ADAM10: variants seen among roughly 807,000 people sequenced by gnomAD.
ADAM10 encodes the protein ADAM metallopeptidase domain 10, also known as disintegrin and metalloproteinase domain-containing protein 10.
Under a neutral mutation model 90.1 loss-of-function variants are expected in ADAM10, and 17 were observed. The ratio of observed to expected loss-of-function variants is 0.19; its 90% CI spans 0.13 to 0.28. ADAM10 has a LOEUF of 0.28. ADAM10 is among the 10% of genes least tolerant of loss of function. ADAM10 has a pLI of 1.00. For synonymous variants in ADAM10, 310 were observed against 298.6 expected (o/e 1.04, Z -0.40); for missense variants, 610 against 914.3 (o/e 0.67, Z 4.29).
intron 1 of ADAM10, among the ~76,000 whole-genome samples, chr15:58,744,908 C>T (rs564272232): frequency 1.3e-5 from 2 of 152,342 alleles, no homozygotes; most frequent in Admixed American, 6.5e-5. Flanking sequence ...CCCAGCGGGG[C>T]GCAGTGGCTC....
At chr15:58,722,646 T>C (rs759351888) in intron 1 of ADAM10, among the ~76,000 whole-genome samples, 1 of 151,856 alleles carries the variant, frequency 6.6e-6, no homozygotes, top group Non-Finnish European at 1.5e-5. Context: ...TAACATTATG[T>C]TTGTAGCTTG....
intron 1 of ADAM10, chr15:58,749,003 G>T: frequency 2.5e-6 from 1 of 399,292 alleles, no homozygotes. Context: ...TCTCGGCGGC[G>T]GAGAGGACTT....
chr15:58,622,213 G>GT (rs1596000088), intron 10 of ADAM10, among the ~76,000 whole-genome samples: 1 of 151,992 alleles, frequency 6.6e-6, no homozygotes, highest in Non-Finnish European at 1.5e-5. Context: ...ATGACATAAA[G>GT]TTTTTTTCTT....
chr15:58,621,262 C>CAAAA (rs749439192), intron 11 of ADAM10, among the ~76,000 whole-genome samples: 11 of 25,272 alleles, frequency 4.4e-4, no homozygotes, highest in South Asian at 2.3e-3. Context: ...GACCCTGTCT[C>CAAAA]AAAAAAAAAA....
Position 58,704,832 on chromosome 15 carries a change from G to A in ADAM10, c.206+12745C>T, listed in dbSNP as rs192450001. On this transcript the variant is annotated intron_variant, in intron 2 of 15. Transcript: ENST00000260408. ...ATTTTAATCAAAGGGTATGACTCAA[G>A]GTCGTAAGACTAAAATTAGGAGTAG... is the stretch of plus-strand genomic sequence containing the variant. Among the ~76,000 whole-genome samples the A allele has an allele frequency of 3.3e-5, 5 of 152,290 alleles. No homozygotes were observed. In the East Asian group the frequency reaches 9.7e-4, roughly 29 times the overall value.
In ADAM10 at chr15:58,596,910, G is replaced by A. The variant is rs1160869382; in HGVS notation, c.*637C>T. The A allele has an allele frequency of 1.3e-5, 2 of 155,178 alleles. No homozygotes were observed. The highest frequency in any genetic ancestry group is 2.9e-5 in the Non-Finnish European group (2 of 69,680). 9.6% of individuals were successfully genotyped at this position (155,178 alleles called of 1,614,324 possible). A position where few individuals can be genotyped will look rare whatever the true frequency, so the allele number is the denominator to read the frequency against. On this transcript the variant is annotated 3_prime_UTR_variant, in exon 16 of 16. Transcript: ENST00000260408. ...TGATTTTCATTTCAAAACTGCCTGT[G>A]TAAAGCATTACAGAATCCTGGACCA...
chr15:58,723,520 G>A (rs143263051), intron 1 of ADAM10, among the ~76,000 whole-genome samples: 2 of 151,856 alleles, frequency 1.3e-5, no homozygotes, highest in African/African-American at 4.8e-5. Context: ...AAACCATAGT[G>A]AAACCCATAG....
At chr15:58,600,081 A>C (rs1170885731) in intron 14 of ADAM10, among the ~76,000 whole-genome samples, 2 of 151,442 alleles carry the variant, frequency 1.3e-5, no homozygotes, top group Admixed American at 6.6e-5. Context: ...GTTATTAAAT[A>C]TTTTCTGGTT....
At chr15:58,694,126 A>T (rs548141286) in intron 2 of ADAM10, among the ~76,000 whole-genome samples, 1 of 152,230 alleles carries the variant, frequency 6.6e-6, no homozygotes, top group African/African-American at 2.4e-5. Context: ...ACTTTGGAAA[A>T]CTGTTTAGCA....
chr15:58,685,058 C>A (rs942854893), intron 2 of ADAM10, among the ~76,000 whole-genome samples: 1 of 150,150 alleles, frequency 6.7e-6, no homozygotes, highest in Non-Finnish European at 1.5e-5. Flanking sequence ...GGTACATAAT[C>A]GTATTTATGG....
intron 9 of ADAM10, chr15:58,629,466 A>G (rs1896039481): frequency 6.6e-6 from 1 of 152,256 alleles, no homozygotes; most frequent in Non-Finnish European, 1.5e-5. Context: ...ATAACGAATA[A>G]AACAAGCACA....
intron 2 of ADAM10, among the ~76,000 whole-genome samples, chr15:58,699,071 G>A (rs1396152967): frequency 1.3e-5 from 2 of 152,174 alleles, no homozygotes; most frequent in Non-Finnish European, 2.9e-5. Context: ...TCATTTACAA[G>A]GGAACTCCTA....
intron 11 of ADAM10, among the ~76,000 whole-genome samples, chr15:58,617,912 A>C (rs1468300032): frequency 2.6e-5 from 4 of 151,330 alleles, no homozygotes; most frequent in Middle Eastern, 3.4e-3. Flanking sequence ...AAAAAAAAAA[A>C]CACATTTCAT....
Position 58,679,145 on chromosome 15 carries a change from T to C in ADAM10, c.463A>G (p.Ile155Val). Residue 155 changes from isoleucine to valine, a missense_variant, in exon 4 of 16, where the codon ATT becomes GTT. By Grantham distance (29) the Ile-to-Val change is conservative. Transcript: ENST00000260408. ...TTACTAATATCATCTTCATGATAAATGACAGAGTGAAATGGCAGAGTTCGG... is the reference window on the plus strand; with the variant it reads ...TTACTAATATCATCTTCATGATAAACGACAGAGTGAAATGGCAGAGTTCGG... The part of the protein sequence containing the change: ...KDRTLPFHSV[I>V]YHEDDINYPH... The C allele has an allele frequency of 6.2e-7, 1 of 1,613,932 alleles. No homozygotes were observed.
At position 58,640,842 on chromosome 15, in the gene ADAM10, T is replaced by C. The variant is rs1158046830; in HGVS notation, c.947A>G (p.Tyr316Cys). The change falls in exon 8 of 16, where the codon TAT becomes TGT. Residue 316 changes from tyrosine to cysteine, a missense_variant. This residue lies in a region of ADAM10 where 97 missense variants were observed against 221.4 expected (regional missense o/e 0.44). Coordinates refer to ENST00000260408, the MANE Select transcript of ADAM10 (RefSeq NM_001110.4). Reference protein sequence around the residue: ...EQNHDDYCLAYVFTDRDFDDG... With the variant: ...EQNHDDYCLACVFTDRDFDDG... ...ATCAAAATCTCGGTCTGTGAAGACA[T>C]AGGCCAAACAGTAGTCATCATGATT... 3 of 1,614,136 alleles carry C rather than the reference T, an allele frequency of 1.9e-6. No individual in the cohort carries two copies. Among genetic ancestry groups the C allele is most frequent in the Non-Finnish European group, 2.5e-6 (3 of 1,180,000 alleles).
At chr15:58,707,578 GAAC>G (rs1430529366) in intron 2 of ADAM10, among the ~76,000 whole-genome samples, 5 of 152,012 alleles carry the variant, frequency 3.3e-5, no homozygotes, top group African/African-American at 1.2e-4. Context: ...AAGACAAACA[GAAC>G]AACAACGTGA....
intron 5 of ADAM10, among the ~76,000 whole-genome samples, chr15:58,658,803 G>A (rs750596476): frequency 9.9e-5 from 15 of 151,998 alleles, no homozygotes; most frequent in Non-Finnish European, 2.2e-4. Flanking sequence ...GAATACGACT[G>A]ATTATACCAA....
intron 5 of ADAM10, among the ~76,000 whole-genome samples, chr15:58,657,436 GCTCA>G (rs1896854590): frequency 6.6e-6 from 1 of 152,048 alleles, no homozygotes; most frequent in Non-Finnish European, 1.5e-5. Flanking sequence ...CTGTCTTCAA[GCTCA>G]CTAATTCTTC....
In ADAM10 at chr15:58,749,600, G is replaced by C. The variant is rs200222452; in HGVS notation, c.-66C>G. ...TAACAGCAGCACATCGATCCGGAGG[G>C]AGAAGCTGAAGGGGCTTGGTCCGGA... On this transcript the variant is annotated 5_prime_UTR_variant, in exon 1 of 16. Transcript: ENST00000260408. The C allele has an allele frequency of 2.0e-4, 308 of 1,548,114 alleles. No individual in the cohort carries two copies. Among genetic ancestry groups the C allele is most frequent in the Non-Finnish European group, 1.5e-4 (168 of 1,145,306 alleles).
Sources: gnomAD v4.1 joint callset for allele counts (sites outside exome capture counted in the v4.1 genomes callset) on GRCh38, gnomAD v4.1.1 for gene constraint, gnomAD v4.1.1 regional missense constraint, MANE v1.5 for transcripts, NCBI Gene and HGNC (gene_info 2026-07-23, HGNC 2026-07-21) for gene names.